GEMIN7: variants seen among roughly 807,000 people sequenced by gnomAD.
GEMIN7 encodes the protein gem-associated protein 7.
Under a neutral mutation model 7.8 loss-of-function variants are expected in GEMIN7, and 7 were observed. The ratio of observed to expected loss-of-function variants is 0.90; its 90% CI spans 0.51 to 1.69. The LOEUF (loss-of-function observed/expected upper bound fraction) is 1.69. Ranked by LOEUF, GEMIN7 falls within the 40% of genes most tolerant of loss-of-function variation. The pLI, the probability that GEMIN7 is intolerant of heterozygous loss-of-function variation, is 0.00. For missense variants in GEMIN7, 159 were observed against 176.2 expected (o/e 0.90, Z 0.55); for synonymous variants, 68 against 72.4 (o/e 0.94, Z 0.31).
chr19:45,078,067 C>A (rs1359899849), upstream of GEMIN7, among the ~76,000 whole-genome samples: 1 of 150,762 alleles, frequency 6.6e-6, no homozygotes, highest in Non-Finnish European at 1.5e-5. Context: ...GCAACCCAGC[C>A]ACCCACTATC....
chr19:45,081,902 C>T (rs1039349136), intron 2 of GEMIN7, among the ~76,000 whole-genome samples: 2 of 152,244 alleles, frequency 1.3e-5, no homozygotes, highest in East Asian at 1.9e-4. Context: ...GGATTACAGG[C>T]GTGACCTACT....
At chr19:45,088,469 G>A (rs1161794027) in intron 2 of GEMIN7, 3 of 152,046 alleles carry the variant, frequency 2.0e-5, no homozygotes, top group African/African-American at 4.8e-5. Context: ...GGACTTCCAC[G>A]AGTACATTGT....
intron 2 of GEMIN7, among the ~76,000 whole-genome samples, chr19:45,086,749 G>C (rs1358567175): frequency 1.3e-5 from 2 of 152,176 alleles, no homozygotes; most frequent in East Asian, 3.8e-4. Context: ...GGCAGCAATT[G>C]GGGCTATTTT....
chr19:45,078,097 C>T (rs1237300059), upstream of GEMIN7, among the ~76,000 whole-genome samples: 5 of 96,650 alleles, frequency 5.2e-5, no homozygotes, highest in Admixed American at 3.8e-4. Flanking sequence ...TTATTTTACT[C>T]TTTTTTTTTT....
chr19:45,078,582 C>T (rs1349388581), upstream of GEMIN7, among the ~76,000 whole-genome samples: 2 of 152,150 alleles, frequency 1.3e-5, no homozygotes, highest in African/African-American at 4.8e-5. Flanking sequence ...TATTGCGCAC[C>T]TACTATGTGT....
intron 2 of GEMIN7, among the ~76,000 whole-genome samples, chr19:45,084,141 G>A (rs1434545689): frequency 6.6e-6 from 1 of 150,380 alleles, no homozygotes; most frequent in African/African-American, 2.5e-5. Flanking sequence ...AACCCGGGAG[G>A]CGGACGTTGT....
intron 2 of GEMIN7, chr19:45,088,456 C>T (rs1967776070): frequency 6.6e-6 from 1 of 152,110 alleles, no homozygotes; most frequent in Non-Finnish European, 1.5e-5. Context: ...TTCTGAGTAG[C>T]TGGGACTTCC....
In GEMIN7 at chr19:45,090,497, C is replaced by A; in HGVS notation, c.383C>A (p.Thr128Asn). 1.2e-6 allele frequency: 2 copies of A among 1,606,878 alleles called. No homozygotes were observed. The highest frequency in any genetic ancestry group is 1.7e-6 in the Non-Finnish European group (2 of 1,174,676). Reference protein sequence around the residue: ...LLRCSDIISYTFKP With the variant: ...LLRCSDIISYNFKP ...CGATGTAGTGACATTATTTCATATA[C>A]CTTCAAGCCATAAAGATATTGTGTT... is the stretch of plus-strand genomic sequence containing the variant. The change falls in exon 3 of 3, where the codon ACC (threonine) becomes AAC (asparagine). Residue 128 changes from threonine (T) to asparagine (N), a missense_variant. Thr to Asn is a moderately conservative substitution (Grantham distance 65). Transcript: ENST00000270257.
chr19:45,088,231 C>T (rs147207895), intron 2 of GEMIN7, among the ~76,000 whole-genome samples: 4,519 of 152,202 alleles, frequency 0.03, 226 homozygotes, highest in African/African-American at 0.1. Context: ...CAGGTGTGAG[C>T]CACTGCTCCC....
intron 2 of GEMIN7, chr19:45,088,513 G>A (rs35864669): frequency 0.27 from 40,740 of 151,738 alleles, 6,360 homozygotes; most frequent in Non-Finnish European, 0.35. Flanking sequence ...TTTTAGTAGA[G>A]ACGAGGTCTT....
intron 2 of GEMIN7, among the ~76,000 whole-genome samples, chr19:45,080,880 T>G (rs1027066540): frequency 7.3e-5 from 11 of 151,526 alleles, no homozygotes; most frequent in Admixed American, 4.6e-4. Context: ...CCTATCTAAG[T>G]CATTTAGTAA....
At chr19:45,076,491 C>A (rs1340237381), upstream of GEMIN7, 1 of 746,058 alleles carries the variant, frequency 1.3e-6, no homozygotes, top group Non-Finnish European at 1.8e-6. The surrounding 1 kb of genome is among the most constrained non-coding windows in gnomAD (Gnocchi z 4.9). Flanking sequence ...GGCGACCCGC[C>A]GCGAACTCTT....
chr19:45,083,732 C>G (rs1450049378), intron 2 of GEMIN7, among the ~76,000 whole-genome samples: 2 of 149,652 alleles, frequency 1.3e-5, no homozygotes, highest in Non-Finnish European at 3.0e-5. Context: ...TCCTGAGTAG[C>G]TGGGACTACA....
At chr19:45,086,306 C>G (rs1049557953) in intron 2 of GEMIN7, among the ~76,000 whole-genome samples, 1 of 152,050 alleles carries the variant, frequency 6.6e-6, no homozygotes, top group African/African-American at 2.4e-5. Context: ...AATCACCTCC[C>G]TTCTGTGCCT....
intron 2 of GEMIN7, among the ~76,000 whole-genome samples, chr19:45,085,992 C>G (rs928457262): frequency 6.6e-6 from 1 of 150,822 alleles, no homozygotes; most frequent in African/African-American, 2.4e-5. Context: ...CTCAGCCTCC[C>G]GAGTAGCTGG....
At chr19:45,085,863 CTTT>C (rs869044428) in intron 2 of GEMIN7, among the ~76,000 whole-genome samples, 22 of 88,412 alleles carry the variant, frequency 2.5e-4, no homozygotes, top group African/African-American at 6.4e-4. Context: ...ACAAGAATCT[CTTT>C]TTTTTTTTTT....
chr19:45,084,507 A>G (rs1270639477), intron 2 of GEMIN7, among the ~76,000 whole-genome samples: 8 of 152,108 alleles, frequency 5.3e-5, no homozygotes, highest in Non-Finnish European at 1.2e-4. Flanking sequence ...GGTTCAAGCG[A>G]TTCTTATGCC....
At chr19:45,080,307 T>A (rs894225955) in intron 2 of GEMIN7, among the ~76,000 whole-genome samples, 1 of 151,980 alleles carries the variant, frequency 6.6e-6, no homozygotes, top group African/African-American at 2.4e-5. Flanking sequence ...CCTTTCTACA[T>A]GGGGCACGGG....
chr19:45,090,794 G>T lies in GEMIN7; in HGVS notation c.*284G>T. 1 of 397,136 alleles carries T rather than the reference G, an allele frequency of 2.5e-6. No homozygotes were observed. The highest frequency in any genetic ancestry group is 4.8e-6 in the Non-Finnish European group (1 of 208,442). 24.6% of individuals were successfully genotyped at this position (397,136 alleles called of 1,614,324 possible). A position where few individuals can be genotyped will look rare whatever the true frequency, so the allele number is the denominator to read the frequency against. On this transcript the variant is annotated 3_prime_UTR_variant, in exon 3 of 3. Transcript: ENST00000270257. ...CCATTTCCTGAAGACCGGGGCATCG[G>T]GGTGGGGTGATAAAGGATACAACCT...
Sources: allele counts gnomAD v4.1 joint callset (sites outside exome capture counted in the v4.1 genomes callset), GRCh38; gene constraint gnomAD v4.1.1; non-coding constraint Gnocchi (gnomAD v3.1); transcripts MANE v1.5; gene names NCBI Gene and HGNC (gene_info 2026-07-23, HGNC 2026-07-21).